Variants in DDI2 observed in about 807,000 individuals in gnomAD.
The protein encoded by DDI2 is protein DDI1 homolog 2.
A neutral mutation model predicts 48.1 loss-of-function variants in DDI2; 5 were observed. The observed-to-expected ratio is 0.10, with a 90% CI of 0.05 to 0.22. The LOEUF is 0.22. Among genes scored for constraint, DDI2 ranks in the 10% least tolerant of loss-of-function variants. DDI2 has a pLI of 1.00. For missense variants in DDI2, 285 were observed against 506.2 expected (o/e 0.56, Z 4.19); for synonymous variants, 205 against 183.6 (o/e 1.12, Z -0.94).
chr1:15,634,012 G>A (rs1469249472), intron 4 of DDI2: 4 of 298,862 alleles, frequency 1.3e-5, no homozygotes, highest in African/African-American at 4.4e-5. Context: ...CCGATGGAAC[G>A]TTGGTAGTCC....
intron 6 of DDI2, among the ~76,000 whole-genome samples, chr1:15,646,473 G>C (rs1640093496): frequency 6.6e-6 from 1 of 152,170 alleles, no homozygotes; most frequent in African/African-American, 2.4e-5. Context: ...GATCACCTGA[G>C]GTCAGGAGTT....
intron 8 of DDI2, among the ~76,000 whole-genome samples, chr1:15,653,375 A>C: frequency 6.6e-6 from 1 of 152,010 alleles, no homozygotes; most frequent in East Asian, 1.9e-4. Flanking sequence ...TCAGTCTCAC[A>C]GGCTCAAGCA....
At chr1:15,627,888 G>C (rs55764623) in intron 2 of DDI2, among the ~76,000 whole-genome samples, 13 of 152,064 alleles carry the variant, frequency 8.5e-5, no homozygotes, top group Non-Finnish European at 1.0e-4. Context: ...ATCAAGGACC[G>C]GCTCCACCAG....
chr1:15,623,147 C>A (rs757595887), intron 1 of DDI2, among the ~76,000 whole-genome samples: 1 of 152,072 alleles, frequency 6.6e-6, no homozygotes, highest in Non-Finnish European at 1.5e-5. Context: ...GGAGTCAGAG[C>A]GGGCAGTTGG....
chr1:15,627,714 C>T (rs924202557), intron 2 of DDI2, among the ~76,000 whole-genome samples: 1 of 152,062 alleles, frequency 6.6e-6, no homozygotes, highest in Non-Finnish European at 1.5e-5. Context: ...TTTTTCCATT[C>T]GCTGCCATAT....
intron 5 of DDI2, among the ~76,000 whole-genome samples, chr1:15,640,223 T>C (rs1202579264): frequency 2.6e-5 from 4 of 152,128 alleles, no homozygotes; most frequent in Non-Finnish European, 4.4e-5. Flanking sequence ...GAATACTCAG[T>C]GTGTATTGAT....
intron 4 of DDI2, among the ~76,000 whole-genome samples, chr1:15,636,185 G>A (rs1378547680): frequency 1.3e-5 from 2 of 152,196 alleles, no homozygotes; most frequent in African/African-American, 2.4e-5. Flanking sequence ...AGGCTGGAGT[G>A]TAGTGGCACG....
At position 15,660,160 on chromosome 1, in the gene DDI2, C is replaced by G. The variant is rs1008315108; in HGVS notation, c.*370C>G. On this transcript the variant is annotated 3_prime_UTR_variant, in exon 10 of 10. Coordinates refer to ENST00000480945, the MANE Select transcript of DDI2 (RefSeq NM_032341.5). ...AGACCAGAGTCCAGCTATGCCTATG[C>G]AGAATTCATCCGAAGAAATAACTGT... The G allele has an allele frequency of 1.2e-6, 2 of 1,614,202 alleles. No individual in the cohort carries two copies. Among genetic ancestry groups the G allele is most frequent in the Non-Finnish European group, 1.7e-6 (2 of 1,180,040 alleles).
Position 15,626,764 on chromosome 1 carries a change from G to A in DDI2, c.234G>A (p.Glu78=). ...ACGTTGTGATTTTACGACAGAAGGA[G>A]AATGCAGACCCTCGACCTCCAGTGC... The part of the protein sequence containing the change: ...DGDVVILRQK[E]NADPRPPVQF... The change falls in exon 2 of 10, where the codon GAG becomes GAA. Residue 78 remains glutamate (E), a synonymous_variant. Transcript: ENST00000480945. 6.2e-7 allele frequency: 1 copy of A among 1,614,166 alleles called. No homozygotes were observed. The highest frequency in any genetic ancestry group is 1.1e-5 in the South Asian group (1 of 91,080).
chr1:15,650,460 A>G (rs966640047), intron 7 of DDI2, among the ~76,000 whole-genome samples: 12 of 152,210 alleles, frequency 7.9e-5, no homozygotes, highest in African/African-American at 9.6e-5. Flanking sequence ...TATCCAGTCA[A>G]CCTGCCAGGT....
chr1:15,650,879 G>A (rs922239960), intron 7 of DDI2, among the ~76,000 whole-genome samples: 10 of 152,144 alleles, frequency 6.6e-5, no homozygotes, highest in African/African-American at 2.4e-4. Flanking sequence ...TTTTGAGATA[G>A]CGTCTCGCTC....
chr1:15,632,678 A>G (rs545072194), intron 3 of DDI2, among the ~76,000 whole-genome samples: 121 of 152,288 alleles, frequency 7.9e-4, no homozygotes, highest in Non-Finnish European at 1.3e-3. Context: ...TACTTAATGT[A>G]TCTGGCTTAA....
At chr1:15,617,889 G>A (rs75354298) in intron 1 of DDI2, 81 bp downstream of exon 1, 289,148 of 1,409,080 alleles carry the variant, frequency 0.21, 30,848 homozygotes, top group Middle Eastern at 0.25. Context: ...TTTGCTACTG[G>A]TGAAGAATTG....
At position 15,661,200 on chromosome 1, in the gene DDI2, A is replaced by G. The variant is rs199821679; in HGVS notation, c.*1410A>G. On this transcript the variant is annotated 3_prime_UTR_variant, in exon 10 of 10. Transcript: ENST00000480945. ...CTGGAAGAGAAGCTGTAGAAAATGT[A>G]AACTTCAGGAGTCTAGGTGATGGCC... The G allele has an allele frequency of 1.9e-6, 3 of 1,614,058 alleles. No homozygotes were observed. Among genetic ancestry groups the G allele is most frequent in the Admixed American group, 3.3e-5 (2 of 59,996 alleles).
At chr1:15,653,076 A>T (rs1570989076) in intron 8 of DDI2, among the ~76,000 whole-genome samples, 1 of 152,110 alleles carries the variant, frequency 6.6e-6, no homozygotes, top group East Asian at 1.9e-4. Context: ...TGCTGTGTTT[A>T]AGATAGATTG....
intron 4 of DDI2, 165 bp downstream of exon 4, chr1:15,633,730 T>C: frequency 4.8e-6 from 5 of 1,037,850 alleles, no homozygotes; most frequent in Non-Finnish European, 5.7e-6. Context: ...TCATTTTCTA[T>C]GCATTTCGAT....
intron 9 of DDI2, among the ~76,000 whole-genome samples, chr1:15,658,578 C>T (rs757770912): frequency 5.3e-5 from 8 of 151,332 alleles, no homozygotes; most frequent in East Asian, 2.0e-4. Context: ...CCCTGACCAA[C>T]GTGGAGAAAC....
At chr1:15,646,447 G>A (rs1266844280) in intron 6 of DDI2, among the ~76,000 whole-genome samples, 1 of 152,206 alleles carries the variant, frequency 6.6e-6, no homozygotes, top group Non-Finnish European at 1.5e-5. Context: ...AGCACTTTGG[G>A]ACCCCGAGGC....
At chr1:15,635,653 C>T (rs1022419822) in intron 4 of DDI2, among the ~76,000 whole-genome samples, 1 of 152,176 alleles carries the variant, frequency 6.6e-6, no homozygotes, top group Non-Finnish European at 1.5e-5. Flanking sequence ...GATCCACCCT[C>T]CTCATCCTCC....
Sources: allele counts gnomAD v4.1 joint callset (sites outside exome capture counted in the v4.1 genomes callset), GRCh38; gene constraint gnomAD v4.1.1; transcripts MANE v1.5; gene names NCBI Gene and HGNC (gene_info 2026-07-23, HGNC 2026-07-21).